HAO1: variants seen among roughly 807,000 people sequenced by gnomAD.
HAO1 encodes 2-Hydroxyacid oxidase 1.
Under a neutral mutation model 39.7 loss-of-function variants are expected in HAO1, and 34 were observed. That is an observed-to-expected ratio of 0.86 (90% confidence interval 0.65 to 1.14). HAO1 has a LOEUF of 1.14. Ranked by LOEUF, HAO1 falls within the 50% of genes most tolerant of loss-of-function variation. HAO1 has a pLI of 0.00. For synonymous variants in HAO1, 172 were observed against 173.2 expected, an observed-to-expected ratio of 0.99 and a Z score of 0.05; for missense variants, 479 against 464.5, an observed-to-expected ratio of 1.03 and a Z score of -0.29.
intron 3 of HAO1, among the ~76,000 whole-genome samples, 167 bp from the exon 4 acceptor site, chr20:7,906,496 A>C (rs1420798655): frequency 6.6e-6 from 1 of 152,222 alleles, no homozygotes; most frequent in Admixed American, 6.5e-5. Context: ...GTAGGACTCT[A>C]GACTAAATGT....
chr20:7,922,671 C>G (rs569742571), intron 2 of HAO1, among the ~76,000 whole-genome samples: 8 of 152,018 alleles, frequency 5.3e-5, no homozygotes, highest in Non-Finnish European at 1.0e-4. Context: ...CTATCCCCAC[C>G]CTAACCTGTT....
At chr20:7,929,059 TTTTGTTTGTTTG>T (rs10543894) in intron 2 of HAO1, among the ~76,000 whole-genome samples, 22,206 of 150,742 alleles carry the variant, frequency 0.15, 1,934 homozygotes, top group South Asian at 0.36. Flanking sequence ...TTGCACTGTT[TTTTGTTTGTTTG>T]TTTGTTTGTT....
At position 7,908,099 on chromosome 20, in the gene HAO1, T is replaced by G. The variant is rs967570818; in HGVS notation, c.546-1770A>C. The stretch of plus-strand genomic sequence containing the variant: ...GAAGATCATGGAGCCATATAAAAAT[T>G]TATATATCGGCTGGGCGCAATGGCT... On this transcript the variant is annotated intron_variant, in intron 3 of 7. Transcript: ENST00000378789. 5.3e-5 allele frequency among the ~76,000 whole-genome samples: 8 copies of G among 152,072 alleles called. No homozygotes were observed. In the East Asian group the frequency reaches 1.5e-3, roughly 29 times the overall value.
intron 2 of HAO1, among the ~76,000 whole-genome samples, chr20:7,916,175 A>G (rs1286308054): frequency 6.6e-6 from 1 of 151,610 alleles, no homozygotes; most frequent in Non-Finnish European, 1.5e-5. Context: ...AAAAATTGGT[A>G]GTAAAATTGG....
chr20:7,901,301 A>G (rs1201930527), intron 4 of HAO1, among the ~76,000 whole-genome samples: 1 of 152,172 alleles, frequency 6.6e-6, no homozygotes, highest in Non-Finnish European at 1.5e-5. Flanking sequence ...AACAGGCTGT[A>G]TGGCATCTTC....
At chr20:7,912,727 G>A (rs773209971) in intron 3 of HAO1, among the ~76,000 whole-genome samples, 1 of 152,158 alleles carries the variant, frequency 6.6e-6, no homozygotes, top group East Asian at 1.9e-4. Context: ...TTAAACACAG[G>A]TTGTTTAGGT....
chr20:7,900,536 G>A lies in HAO1; in HGVS notation c.722-5312C>T, dbSNP rs138693270. Among the ~76,000 whole-genome samples the A allele has an allele frequency of 2.5e-4, 38 of 152,210 alleles. No homozygotes were observed. The East Asian group carries it at 7.3e-3, about 29-fold the overall frequency. On this transcript the variant is annotated intron_variant, in intron 4 of 7. Transcript: ENST00000378789. ...ATTGTTACATCTGTTACGGTGATCT[G>A]TGATTAGTGATCTTTGATGTTACTA...
intron 2 of HAO1, among the ~76,000 whole-genome samples, chr20:7,930,378 G>A (rs541652404): frequency 2.6e-5 from 4 of 152,236 alleles, no homozygotes; most frequent in African/African-American, 9.6e-5. Flanking sequence ...AATTCCATGT[G>A]AATTTTCTGA....
intron 2 of HAO1, among the ~76,000 whole-genome samples, chr20:7,919,608 C>A (rs755616494): frequency 2.6e-5 from 4 of 152,140 alleles, no homozygotes; most frequent in Admixed American, 1.3e-4. Flanking sequence ...CCATGAAGTA[C>A]GTTCTATCTG....
chr20:7,916,540 C>T (rs948453186), intron 2 of HAO1, among the ~76,000 whole-genome samples: 1 of 152,140 alleles, frequency 6.6e-6, no homozygotes, highest in Non-Finnish European at 1.5e-5. Flanking sequence ...TGGGTCCCAC[C>T]CACAGAGCTT....
chr20:7,923,228 G>A (rs749472268), intron 2 of HAO1, among the ~76,000 whole-genome samples: 22 of 152,188 alleles, frequency 1.4e-4, no homozygotes, highest in Non-Finnish European at 2.6e-4. Flanking sequence ...ATTTAAATGA[G>A]CTAGGACAGG....
chr20:7,924,605 C>G (rs2050350614), intron 2 of HAO1, among the ~76,000 whole-genome samples: 1 of 152,030 alleles, frequency 6.6e-6, no homozygotes, highest in Non-Finnish European at 1.5e-5. Flanking sequence ...AACATCAATT[C>G]ATATGGGACT....
chr20:7,903,244 A>C (rs2050229002), intron 4 of HAO1, among the ~76,000 whole-genome samples: 1 of 152,108 alleles, frequency 6.6e-6, no homozygotes, highest in Non-Finnish European at 1.5e-5. Flanking sequence ...TACATGTATA[A>C]ATAAGTTATT....
rs1369997944 is a variant in HAO1 at position 7,914,313 on chromosome 20, A to G, written c.396T>C (p.Tyr132=). The change falls in exon 3 of 8, where the codon TAT becomes TAC. Residue 132 remains tyrosine, a synonymous_variant. Coordinates refer to ENST00000378789, the MANE Select transcript of HAO1 (RefSeq NM_017545.3). The stretch of plus-strand genomic sequence containing the variant: ...TGGTGACTTCTCGGTCCTTGTAGAT[A>G]TACAGTTGCAGCCAACGAAGTGCCT... The part of the protein sequence containing the change: ...GPEALRWLQL[Y]IYKDREVTKK... 1.9e-6 allele frequency: 3 copies of G among 1,613,882 alleles called. No individual in the cohort carries two copies. The highest frequency in any genetic ancestry group is 2.5e-6 in the Non-Finnish European group (3 of 1,179,978).
At chr20:7,900,033 A>G (rs1433673061) in intron 4 of HAO1, among the ~76,000 whole-genome samples, 3 of 152,186 alleles carry the variant, frequency 2.0e-5, no homozygotes. Flanking sequence ...TTTGAGCTCA[A>G]GCCCTTGGAG....
At chr20:7,907,278 GT>G (rs761821690) in intron 3 of HAO1, among the ~76,000 whole-genome samples, 1 of 152,154 alleles carries the variant, frequency 6.6e-6, no homozygotes, top group Non-Finnish European at 1.5e-5. Flanking sequence ...TCTGCCAGTG[GT>G]TTTTTCTTGC....
Position 7,937,409 on chromosome 20 carries a change from G to A in HAO1, c.138-2774C>T, listed in dbSNP as rs184098967. ...CAAAAACACCTTATTCACCTATTGTGGATACTAGATAAATTATTTTGTGAC... is the reference window on the plus strand; with the variant it reads ...CAAAAACACCTTATTCACCTATTGTAGATACTAGATAAATTATTTTGTGAC... On this transcript the variant is annotated intron_variant, in intron 1 of 7. Transcript: ENST00000378789. Among the ~76,000 whole-genome samples the A allele has an allele frequency of 2.0e-5, 3 of 151,760 alleles. No homozygotes were observed. In the East Asian group the frequency reaches 5.8e-4, roughly 29 times the overall value.
At chr20:7,898,209 G>A (rs1271229518) in intron 4 of HAO1, among the ~76,000 whole-genome samples, 2 of 152,180 alleles carry the variant, frequency 1.3e-5, no homozygotes, top group East Asian at 1.9e-4. Flanking sequence ...GTCCCCTTGC[G>A]TTTCGTCTTC....
chr20:7,896,630 G>A (rs1450201149), intron 4 of HAO1, among the ~76,000 whole-genome samples: 3 of 152,146 alleles, frequency 2.0e-5, no homozygotes, highest in East Asian at 1.9e-4. Context: ...CTCAAAATTT[G>A]TATTTTGAAG....
Sources: gnomAD v4.1 joint callset for allele counts (sites outside exome capture counted in the v4.1 genomes callset) on GRCh38, gnomAD v4.1.1 for gene constraint, MANE v1.5 for transcripts, NCBI Gene and HGNC (gene_info 2026-07-23, HGNC 2026-07-21) for gene names.